The following SGIP1 variants were observed in gnomAD, a reference collection of about 807,000 sequenced individuals.
The protein encoded by SGIP1 is SH3-containing GRB2-like protein 3-interacting protein 1.
Under a neutral mutation model 107.5 loss-of-function variants are expected in SGIP1, and 38 were observed. That is an observed-to-expected ratio of 0.35 (90% CI 0.27 to 0.46). The LOEUF (loss-of-function observed/expected upper bound fraction) is 0.46, where lower values mean the gene tolerates loss of function less well. Ranked by LOEUF, SGIP1 falls within the 20% of genes least tolerant of loss-of-function variation. The probability of loss-of-function intolerance (pLI) is 1.00; values close to 1 mark genes in which losing one functional copy is unlikely to be tolerated. For missense variants in SGIP1, 929 were observed against 1,019.5 expected (o/e 0.91, Z 1.21); for synonymous variants, 365 against 366.1 (o/e 1.00, Z 0.03).
intron 17 of SGIP1, among the ~76,000 whole-genome samples, chr1:66,692,945 C>G (rs1232811702): frequency 2.0e-5 from 3 of 152,134 alleles, no homozygotes; most frequent in African/African-American, 7.2e-5. Context: ...TGAAGAAGAG[C>G]TCCTATACAA....
At position 66,635,926 on chromosome 1, in the gene SGIP1, GA is replaced by G; in HGVS notation, c.100-14del. On this transcript the variant is annotated splice_polypyrimidine_tract_variant and intron_variant, in intron 3 of 24. Transcript: ENST00000371037. The stretch of plus-strand genomic sequence containing the variant: ...ATCTTTTAACCACTTTTTTCTACAT[GA>G]AAACAATCAATTCCAGCAGCCCAGC... 6.2e-7 allele frequency: 1 copy of G among 1,612,826 alleles called. No individual in the cohort carries two copies. Among genetic ancestry groups the G allele is most frequent in the Non-Finnish European group, 8.5e-7 (1 of 1,179,448 alleles).
chr1:66,587,073 C>G (rs1370670507), intron 1 of SGIP1, among the ~76,000 whole-genome samples: 1 of 152,034 alleles, frequency 6.6e-6, no homozygotes, highest in Admixed American at 6.5e-5. Flanking sequence ...AGAATTGTTT[C>G]TTTCCTACAA....
At chr1:66,638,401 T>G (rs1342576267) in intron 4 of SGIP1, among the ~76,000 whole-genome samples, 1 of 152,182 alleles carries the variant, frequency 6.6e-6, no homozygotes, top group African/African-American at 2.4e-5. Context: ...ACTGAAGCAC[T>G]AATTCAATGA....
chr1:66,684,165 C>A lies in SGIP1; in HGVS notation c.1315+1796C>A, dbSNP rs978892761. On this transcript the variant is annotated intron_variant, in intron 15 of 24. Coordinates refer to ENST00000371037, the MANE Select transcript of SGIP1 (RefSeq NM_032291.4). ...TTTGCCCAAGTTTACAAGCTGGAGG[C>A]AATGAACTGGATTCATACTCAGGTC... The A allele has an allele frequency of 7.1e-6, 11 of 1,550,578 alleles. No homozygotes were observed. The African/African-American group carries it at 9.6e-5, about 13-fold the overall frequency.
intron 1 of SGIP1, among the ~76,000 whole-genome samples, chr1:66,614,802 C>T (rs1208871703): frequency 2.1e-5 from 3 of 142,986 alleles, no homozygotes; most frequent in Non-Finnish European, 3.0e-5. Flanking sequence ...GGCTATGTTC[C>T]AGCTGTCTTT....
intron 3 of SGIP1, chr1:66,633,938 G>T (rs2075290934): frequency 1.5e-6 from 1 of 658,874 alleles, no homozygotes; most frequent in East Asian, 2.7e-5. Context: ...AGCTATAGCA[G>T]GAATTTTCCT....
At chr1:66,633,475 A>G (rs781723515) in intron 3 of SGIP1, among the ~76,000 whole-genome samples, 10 of 152,244 alleles carry the variant, frequency 6.6e-5, no homozygotes, top group Admixed American at 1.3e-4. Context: ...GCTGAGATCC[A>G]AGAAAATTCA....
At chr1:66,652,101 G>A (rs1322204753) in intron 7 of SGIP1, among the ~76,000 whole-genome samples, 2 of 152,160 alleles carry the variant, frequency 1.3e-5, no homozygotes, top group Non-Finnish European at 2.9e-5. Flanking sequence ...AGGCTTTTGA[G>A]TATATATCTT....
chr1:66,646,879 C>A (rs2077764287), intron 7 of SGIP1, among the ~76,000 whole-genome samples: 1 of 151,958 alleles, frequency 6.6e-6, no homozygotes, highest in Non-Finnish European at 1.5e-5. Flanking sequence ...AGGCAGAGCA[C>A]CAAAAAGGCA....
chr1:66,619,783 A>C (rs186346198), intron 1 of SGIP1, among the ~76,000 whole-genome samples: 48 of 152,308 alleles, frequency 3.2e-4, no homozygotes, highest in African/African-American at 1.2e-3. Flanking sequence ...CAAACACCTC[A>C]GTGTCTTCTG....
At position 66,743,415 on chromosome 1, in the gene SGIP1, C is replaced by G; in HGVS notation, c.*320C>G. On this transcript the variant is annotated 3_prime_UTR_variant, in exon 25 of 25. Transcript: ENST00000371037. ...ATTCCTGAAATGGATGTAATTTAAA[C>G]TGTGGTATGTAAATTTAATAGTAGT... 4.6e-6 allele frequency: 1 copy of G among 219,164 alleles called. No individual in the cohort carries two copies. Among genetic ancestry groups the G allele is most frequent in the East Asian group, 1.1e-4 (1 of 9,118 alleles). 13.6% of individuals were successfully genotyped at this position (219,164 alleles called of 1,614,324 possible).
chr1:66,599,556 C>T (rs879249729), intron 1 of SGIP1, among the ~76,000 whole-genome samples: 5 of 152,200 alleles, frequency 3.3e-5, no homozygotes, highest in African/African-American at 9.7e-5. Flanking sequence ...AATCCTCCCA[C>T]GCCTTCTCTC....
At position 66,542,409 on chromosome 1, in the gene SGIP1, T is replaced by G. The variant is rs11810225; in HGVS notation, c.10+8041T>G. Among the ~76,000 whole-genome samples, 479 of 152,318 alleles carry G rather than the reference T, an allele frequency of 3.1e-3. 1 individual carries two copies. The highest frequency in any genetic ancestry group is 0.011 in the African/African-American group (469 of 41,578). ...CCTCTCTTCTGATGATGTGAGATGT[T>G]ACAGTGCCTACATGATGAGATGAAG... On this transcript the variant is annotated intron_variant, in intron 1 of 24. Transcript: ENST00000371037.
chr1:66,575,312 C>T (rs1334198567), intron 1 of SGIP1, among the ~76,000 whole-genome samples: 2 of 152,132 alleles, frequency 1.3e-5, no homozygotes, highest in African/African-American at 2.4e-5. Flanking sequence ...TAATTACCGT[C>T]AATAATGTGC....
intron 15 of SGIP1, among the ~76,000 whole-genome samples, chr1:66,687,816 A>G (rs2088805150): frequency 6.6e-6 from 1 of 152,230 alleles, no homozygotes; most frequent in Non-Finnish European, 1.5e-5. Flanking sequence ...TGGTAGAGGA[A>G]GGTGGAGACA....
intron 1 of SGIP1, among the ~76,000 whole-genome samples, chr1:66,621,322 C>T (rs1252167093): frequency 1.3e-5 from 2 of 152,198 alleles, no homozygotes; most frequent in Non-Finnish European, 2.9e-5. Context: ...ACATGTGCCA[C>T]AAACTTTTAA....
At chr1:66,667,427 G>A (rs2082820551) in intron 8 of SGIP1, 103 bp from the exon 9 acceptor site, 1 of 1,063,686 alleles carries the variant, frequency 9.4e-7, no homozygotes, top group Admixed American at 1.7e-5. Context: ...TGGAGTGTAT[G>A]TTTGGTTAGC....
rs112096213 is a variant in SGIP1 at position 66,559,983 on chromosome 1, G to A, written c.10+25615G>A. Reference sequence around the variant, plus strand: ...AAGAGGAAATTTCTCATAACTGAGGGGAGAGAGAATAGGTACTAAGTTGGC... The same window carrying A: ...AAGAGGAAATTTCTCATAACTGAGGAGAGAGAGAATAGGTACTAAGTTGGC... On this transcript the variant is annotated intron_variant, in intron 1 of 24. Coordinates refer to ENST00000371037, the MANE Select transcript of SGIP1 (RefSeq NM_032291.4). Among the ~76,000 whole-genome samples the A allele has an allele frequency of 3.0e-3, 463 of 152,056 alleles. 1 individual carries two copies. The highest frequency in any genetic ancestry group is 0.011 in the African/African-American group (446 of 41,506).
chr1:66,585,569 T>TC (rs1167405032), intron 1 of SGIP1, among the ~76,000 whole-genome samples: 1 of 134,692 alleles, frequency 7.4e-6, no homozygotes, highest in Non-Finnish European at 1.6e-5. Context: ...AGCTTTGGAG[T>TC]TTGTGTGTGT....
Sources: allele counts gnomAD v4.1 joint callset (sites outside exome capture counted in the v4.1 genomes callset), GRCh38; gene constraint gnomAD v4.1.1; transcripts MANE v1.5; gene names NCBI Gene and HGNC (gene_info 2026-07-23, HGNC 2026-07-21).